IGSF9B: variants seen among roughly 807,000 people sequenced by gnomAD.
IGSF9B encodes the protein protein turtle homolog B.
IGSF9B carries 48 observed loss-of-function variants against 143.7 expected under a neutral mutation model. The observed-to-expected ratio is 0.33, with a 90% CI of 0.26 to 0.42. The LOEUF (loss-of-function observed/expected upper bound fraction) is 0.42. Among genes scored for constraint, IGSF9B ranks in the 20% least tolerant of loss-of-function variants. IGSF9B has a pLI of 1.00. For missense variants in IGSF9B, 1,706 were observed against 1,980.0 expected (o/e 0.86, Z 2.63); for synonymous variants, 903 against 833.1 (o/e 1.08, Z -1.44).
Position 133,921,472 on chromosome 11 carries a change from G to A in IGSF9B, c.2328-75C>T, listed in dbSNP as rs1022257888. On this transcript the variant is annotated intron_variant, in intron 17 of 19. Transcript: ENST00000533871. ...GGCCAGGACTTCCTTTCCCTCTCTC[G>A]GCAACCACCCAGCACCCAGGATCCT... 3.3e-5 allele frequency: 39 copies of A among 1,168,886 alleles called. 1 individual carries two copies. The East Asian group carries it at 3.4e-4, about 10-fold the overall frequency. 72.4% of individuals were successfully genotyped at this position (1,168,886 alleles called of 1,614,324 possible). A position where few individuals can be genotyped will look rare whatever the true frequency, so the allele number is the denominator to read the frequency against.
intron 11 of IGSF9B, 104 bp downstream of exon 11, chr11:133,930,880 G>C: frequency 8.4e-7 from 1 of 1,190,690 alleles, no homozygotes; most frequent in Non-Finnish European, 1.2e-6. Flanking sequence ...AAGGGAGCCC[G>C]CAGAGTGCAG....
In IGSF9B at chr11:133,921,333, C is replaced by T. The variant is rs1431528857; in HGVS notation, c.2392G>A (p.Asp798Asn). ...RTLRAPSESS[D>N]DQGQPAAKRM... ...TTGGCCGCGGGCTGGCCCTGGTCGT[C>T]GGAGGATTCTGACGGCGCTCGGAGC... The change falls in exon 18 of 20, where the codon GAC (aspartate) becomes AAC (asparagine). Residue 798 changes from aspartate (D) to asparagine (N), a missense_variant. By Grantham distance (23) the Asp-to-Asn change is conservative (BLOSUM62 1). Transcript: ENST00000533871. The T allele has an allele frequency of 2.5e-6, 4 of 1,591,690 alleles. No homozygotes were observed. The highest frequency in any genetic ancestry group is 1.7e-4 in the Middle Eastern group (1 of 5,948).
rs1019726655 is a variant in IGSF9B at position 133,937,926 on chromosome 11, T to C, written c.445A>G (p.Ile149Val). 6.2e-7 allele frequency: 1 copy of C among 1,613,300 alleles called. No individual in the cohort carries two copies. Among genetic ancestry groups the C allele is most frequent in the Non-Finnish European group, 8.5e-7 (1 of 1,179,690 alleles). ...PTFTETPPQY[I>V]EAKEGGSITM... ...ATACTACCACCCTCCTTGGCCTCGA[T>C]GTACTGGGGGGGTGTTTCTGTAAAG... The change falls in exon 4 of 20, where the codon ATC becomes GTC. Residue 149 changes from isoleucine to valine, a missense_variant. By Grantham distance (29) the Ile-to-Val change is conservative. Around this residue, in one of 7 missense-constraint regions of IGSF9B, gnomAD observed 171 missense variants for 213.9 expected, o/e 0.80. Coordinates refer to ENST00000533871, the MANE Select transcript of IGSF9B (RefSeq NM_001277285.4).
chr11:133,921,564 C>G (rs949067168), intron 17 of IGSF9B, among the ~76,000 whole-genome samples, 167 bp from the exon 18 acceptor site: 1 of 151,964 alleles, frequency 6.6e-6, no homozygotes, highest in Non-Finnish European at 1.5e-5. Context: ...ACCGTCTGGA[C>G]GTGAATCCTC....
chr11:133,912,490 C>G, intron 18 of IGSF9B: 4 of 391,432 alleles, frequency 1.0e-5, no homozygotes, highest in Non-Finnish European at 2.0e-5. Context: ...AGTGAGAAAC[C>G]CGACCCCCAG....
Position 133,919,894 on chromosome 11 carries a change from AGTG to A in IGSF9B, c.3828_3830del (p.Thr1277del). On this transcript the variant is annotated inframe_deletion, in exon 18 of 20. Coordinates refer to ENST00000533871, the MANE Select transcript of IGSF9B (RefSeq NM_001277285.4). The stretch of plus-strand genomic sequence containing the variant: ...GAGGGGAAGGGTAGCCGGTGGCCAG[AGTG>A]GTGAAGCCCATGGCGGGCCGGTAGC... 6.3e-7 allele frequency: 1 copy of A among 1,578,668 alleles called. No homozygotes were observed. Among genetic ancestry groups the A allele is most frequent in the South Asian group, 1.2e-5 (1 of 86,288 alleles).
intron 3 of IGSF9B, chr11:133,938,236 AAC>A (rs1939861343): frequency 5.7e-6 from 2 of 349,076 alleles, no homozygotes; most frequent in Non-Finnish European, 1.1e-5. Context: ...GGCCCTTACA[AAC>A]ACTGCCTGCT....
chr11:133,911,805 T>C, intron 19 of IGSF9B, 81 bp downstream of exon 19: 1 of 1,368,656 alleles, frequency 7.3e-7, no homozygotes, highest in Non-Finnish European at 9.5e-7. Context: ...ATAACCCTCC[T>C]GACAACGGCA....
chr11:133,912,139 C>T (rs1939310843), intron 18 of IGSF9B, 132 bp from the exon 19 acceptor site: 22 of 1,071,164 alleles, frequency 2.1e-5, no homozygotes, highest in Non-Finnish European at 3.0e-5. Context: ...AAGGTGCCCA[C>T]GATGGCTCCA....
In IGSF9B at chr11:133,905,618, G is replaced by C. The variant is rs1939199803; in HGVS notation, c.*3451C>G. On this transcript the variant is annotated 3_prime_UTR_variant, in exon 20 of 20. Coordinates refer to ENST00000533871, the MANE Select transcript of IGSF9B (RefSeq NM_001277285.4). The surrounding 1 kb of genome is among the most constrained non-coding windows in gnomAD (Gnocchi z 4.0). ...TCTTCCCCCAAGCGCATGGTTGTGG[G>C]ACTAAGCACCTCAAAGGAGGGCACA... 6.6e-6 allele frequency among the ~76,000 whole-genome samples: 1 copy of C among 152,228 alleles called. No individual in the cohort carries two copies. The highest frequency in any genetic ancestry group is 2.4e-5 in the African/African-American group (1 of 41,462).
chr11:133,955,620 G>C (rs1004432724), intron 1 of IGSF9B, among the ~76,000 whole-genome samples: 1 of 152,166 alleles, frequency 6.6e-6, no homozygotes, highest in African/African-American at 2.4e-5. Context: ...GCCCGCAGCC[G>C]GGTCGTGTCT....
At chr11:133,956,625 G>A in intron 1 of IGSF9B, 66 bp downstream of exon 1, 2 of 1,108,690 alleles carry the variant, frequency 1.8e-6, no homozygotes, top group Admixed American at 2.3e-5. Context: ...GGGAAACCGA[G>A]GGGCCGGGCG....
Position 133,929,755 on chromosome 11 carries a change from A to G in IGSF9B, c.1547T>C (p.Val516Ala). The change falls in exon 12 of 20, where the codon GTC becomes GCC. Residue 516 changes from valine to alanine, a missense_variant. This residue lies in a region of IGSF9B where 267 missense variants were observed against 321.1 expected (regional missense o/e 0.83). Transcript: ENST00000533871. The part of the protein sequence containing the change: ...IGTSPHAPGS[V>A]RVQVSMTTAN... ...AGTTGTCATGGAGACCTGGACCCGG[A>G]CACTGCCCGGGGCATGGGGGCTGGT... 6.2e-7 allele frequency: 1 copy of G among 1,613,548 alleles called. No individual in the cohort carries two copies. Among genetic ancestry groups the G allele is most frequent in the South Asian group, 1.1e-5 (1 of 91,060 alleles).
At chr11:133,923,880 C>G (rs1186200832) in intron 15 of IGSF9B, among the ~76,000 whole-genome samples, 2 of 152,252 alleles carry the variant, frequency 1.3e-5, no homozygotes, top group Non-Finnish European at 2.9e-5. Context: ...GATGCAAGCT[C>G]TCATCCCTGT....
At position 133,904,790 on chromosome 11, in the gene IGSF9B, C is replaced by T. The variant is rs1375942195; in HGVS notation, c.*4279G>A. ...CCAGCCTCACCAACACCTGGCAAAG[C>T]ACACAGGCCTCCCCTCCACCCTCCA... is the stretch of plus-strand genomic sequence containing the variant. On this transcript the variant is annotated 3_prime_UTR_variant, in exon 20 of 20. Transcript: ENST00000533871. Among the ~76,000 whole-genome samples, 1 of 151,774 alleles carries T rather than the reference C, an allele frequency of 6.6e-6. No homozygotes were observed. Among genetic ancestry groups the T allele is most frequent in the African/African-American group, 2.4e-5 (1 of 41,270 alleles).
At position 133,953,659 on chromosome 11, in the gene IGSF9B, G is replaced by GT. The variant is rs2121353412; in HGVS notation, c.64+3031dup. ...TGGGGACACTGTAGTCAGGGATAAT[G>GT]TAACGACAGAATCTGTGGCAGACAG... On this transcript the variant is annotated intron_variant, in intron 1 of 19. Coordinates refer to ENST00000533871, the MANE Select transcript of IGSF9B (RefSeq NM_001277285.4). The surrounding 1 kb of genome is among the most constrained non-coding windows in gnomAD (Gnocchi z 4.2). 1.3e-5 allele frequency among the ~76,000 whole-genome samples: 2 copies of GT among 152,352 alleles called. No homozygotes were observed. The highest frequency in any genetic ancestry group is 4.1e-4 in the South Asian group (2 of 4,828).
intron 14 of IGSF9B, 53 bp from the exon 15 acceptor site, chr11:133,924,957 G>T: frequency 1.4e-6 from 2 of 1,458,294 alleles, no homozygotes. Flanking sequence ...GATGACCACT[G>T]TCCCCTCACA....
rs1939149714 is a variant in IGSF9B at position 133,902,412 on chromosome 11, C to T, written c.*6657G>A. Among the ~76,000 whole-genome samples, 1 of 97,412 alleles carries T rather than the reference C, an allele frequency of 1.0e-5. No individual in the cohort carries two copies. Among genetic ancestry groups the T allele is most frequent in the Non-Finnish European group, 2.4e-5 (1 of 40,912 alleles). The allele number at this position is 97,412 out of a possible 152,430, so 63.9% of individuals were successfully genotyped here. A position where few individuals can be genotyped will look rare whatever the true frequency, so the allele number is the denominator to read the frequency against. On this transcript the variant is annotated 3_prime_UTR_variant, in exon 20 of 20. Transcript: ENST00000533871. ...CACACAATACGCACAACACATACCA[C>T]ACACAATACACACACCACACCACAC...
Position 133,927,055 on chromosome 11 carries a change from C to T in IGSF9B, c.1668G>A (p.Leu556=). ...TGGGTCCTGGCGGCACTGGCAAGGA[C>T]AGCCAGTCATGGGGCCCAAACTGTG... ...KRAQFGPHDW[L]SLPVPPGPSW... is the part of the protein sequence containing the mutation. The change falls in exon 13 of 20, where the codon CTG becomes CTA. Residue 556 remains leucine (L), a synonymous_variant. Coordinates refer to ENST00000533871, the MANE Select transcript of IGSF9B (RefSeq NM_001277285.4). 3.2e-6 allele frequency: 5 copies of T among 1,562,362 alleles called. No homozygotes were observed. The highest frequency in any genetic ancestry group is 4.3e-6 in the Non-Finnish European group (5 of 1,153,334).
Sources: gnomAD v4.1 joint callset for allele counts (sites outside exome capture counted in the v4.1 genomes callset) on GRCh38, gnomAD v4.1.1 for gene constraint, gnomAD v4.1.1 regional missense constraint, Gnocchi (gnomAD v3.1) non-coding constraint, MANE v1.5 for transcripts, NCBI Gene and HGNC (gene_info 2026-07-23, HGNC 2026-07-21) for gene names.